Variants in CBR4 observed in about 807,000 individuals in gnomAD.
CBR4 encodes the protein 3-oxoacyl-[acyl-carrier-protein] reductase.
Under a neutral mutation model 21.0 loss-of-function variants are expected in CBR4, and 22 were observed. The observed-to-expected ratio is 1.05, with a 90% CI of 0.75 to 1.50. The LOEUF (loss-of-function observed/expected upper bound fraction) is 1.50, where lower values mean the gene tolerates loss of function less well. Ranked by LOEUF, CBR4 falls within the 40% of genes most tolerant of loss-of-function variation. The pLI, the probability that CBR4 is intolerant of heterozygous loss-of-function variation, is 0.00. For missense variants in CBR4, 302 were observed against 286.3 expected (o/e 1.05, Z -0.40); for synonymous variants, 100 against 104.4 (o/e 0.96, Z 0.26).
intron 2 of CBR4, among the ~76,000 whole-genome samples, chr4:168,977,271 C>T (rs918140548): frequency 2.4e-4 from 36 of 152,122 alleles, no homozygotes; most frequent in African/African-American, 8.2e-4. Context: ...GTTAGCAATC[C>T]ATCTTATATG....
At chr4:168,961,744 G>A (rs939628446) in intron 2 of CBR4, among the ~76,000 whole-genome samples, 11 of 152,132 alleles carry the variant, frequency 7.2e-5, no homozygotes, top group Non-Finnish European at 1.6e-4. Flanking sequence ...ACAAAAATTA[G>A]CTGGCCATGG....
Position 168,988,084 on chromosome 4 carries a change from TGAG to T in CBR4, c.*2063_*2065del, listed in dbSNP as rs1764753958. 1.0e-6 allele frequency: 1 copy of T among 985,188 alleles called. No individual in the cohort carries two copies. Among genetic ancestry groups the T allele is most frequent in the Non-Finnish European group, 1.2e-6 (1 of 829,676 alleles). The allele number at this position is 985,188 out of a possible 1,614,324, so 61.0% of individuals were successfully genotyped here. ...AGCAGATTTTAAAAAATGAATTCAC[TGAG>T]GTTCTTAAACCTCTGAACATAAGGC... On this transcript the variant is annotated 3_prime_UTR_variant, in exon 5 of 5. Transcript: ENST00000306193.
chr4:168,957,460 T>C (rs1353640471), intron 2 of CBR4, among the ~76,000 whole-genome samples: 2 of 152,178 alleles, frequency 1.3e-5, no homozygotes, highest in Non-Finnish European at 2.9e-5. Context: ...CCATCACTGC[T>C]ATCCTCCCTT....
At chr4:168,975,731 G>A (rs1343129652) in intron 2 of CBR4, among the ~76,000 whole-genome samples, 1 of 152,194 alleles carries the variant, frequency 6.6e-6, no homozygotes, top group African/African-American at 2.4e-5. Context: ...AGGCAGGTCT[G>A]AGCTCAGATT....
intron 2 of CBR4, among the ~76,000 whole-genome samples, chr4:168,977,088 T>C (rs539754355): frequency 1.3e-5 from 2 of 152,364 alleles, no homozygotes; most frequent in South Asian, 2.1e-4. Context: ...CTTTCAGTTT[T>C]CCTGATATGT....
intron 2 of CBR4, among the ~76,000 whole-genome samples, chr4:168,939,950 T>C (rs1439318864): frequency 6.6e-6 from 1 of 152,116 alleles, no homozygotes; most frequent in Non-Finnish European, 1.5e-5. Context: ...TTAAATTTCA[T>C]ATGGAACCAA....
At chr4:169,000,586 G>C (rs7667478) in intron 4 of CBR4, among the ~76,000 whole-genome samples, 150,898 of 152,288 alleles carry the variant, frequency 0.99, 74,776 homozygotes, top group East Asian at 1. Context: ...TTCTTACAAA[G>C]GACCAGCAAA....
intron 4 of CBR4, among the ~76,000 whole-genome samples, chr4:168,996,082 AG>A (rs1280612885): frequency 5.3e-5 from 8 of 152,164 alleles, no homozygotes; most frequent in Non-Finnish European, 1.0e-4. Flanking sequence ...ATTTAGGGAA[AG>A]CTTGCCACAA....
chr4:169,008,527 C>T (rs968020661), intron 1 of CBR4, among the ~76,000 whole-genome samples: 8 of 152,200 alleles, frequency 5.3e-5, no homozygotes, highest in African/African-American at 1.9e-4. Flanking sequence ...TACACCAACA[C>T]TACCCCATCA....
At chr4:168,986,171 G>T (rs1042699579), downstream of CBR4, among the ~76,000 whole-genome samples, 1 of 152,128 alleles carries the variant, frequency 6.6e-6, no homozygotes. Context: ...CATTGCATTA[G>T]ATATTGTAAG....
chr4:169,007,503 T>C, intron 2 of CBR4, 133 bp downstream of exon 2: 2 of 470,988 alleles, frequency 4.2e-6, no homozygotes, highest in South Asian at 4.7e-5. Context: ...ATTTATGGAT[T>C]GACAAGTTTT....
At chr4:168,956,597 CAAAAAAAAAAAAAA>C (rs59962690) in intron 2 of CBR4, among the ~76,000 whole-genome samples, 15 of 29,678 alleles carry the variant, frequency 5.1e-4, no homozygotes, top group East Asian at 1.8e-3. Context: ...GACCCTGTCT[CAAAAAAAAAAAAAA>C]AAAAAAAAAA....
At chr4:168,931,907 C>A (rs536681872) in intron 2 of CBR4, among the ~76,000 whole-genome samples, 1 of 151,530 alleles carries the variant, frequency 6.6e-6, no homozygotes, top group African/African-American at 2.4e-5. Flanking sequence ...ACACACCCCC[C>A]CTAACTGACA....
intron 2 of CBR4, among the ~76,000 whole-genome samples, chr4:168,933,598 C>T (rs1385984095): frequency 1.3e-5 from 2 of 152,114 alleles, no homozygotes; most frequent in African/African-American, 2.4e-5. Flanking sequence ...CAGCACTGGA[C>T]AGATCATCTA....
At chr4:168,995,667 G>A (rs1765160421) in intron 4 of CBR4, among the ~76,000 whole-genome samples, 1 of 151,902 alleles carries the variant, frequency 6.6e-6, no homozygotes, top group Non-Finnish European at 1.5e-5. Flanking sequence ...TTTTTGCTAG[G>A]TATACATTTA....
chr4:168,948,424 T>C (rs1415896035), intron 2 of CBR4, among the ~76,000 whole-genome samples: 1 of 152,232 alleles, frequency 6.6e-6, no homozygotes, highest in East Asian at 1.9e-4. Flanking sequence ...GGGTTCTTGG[T>C]CATGAAATCC....
intron 2 of CBR4, among the ~76,000 whole-genome samples, chr4:168,922,976 A>G (rs1366631513): frequency 6.6e-6 from 1 of 152,182 alleles, no homozygotes; most frequent in Non-Finnish European, 1.5e-5. Flanking sequence ...TCTGCGACTT[A>G]GTTTCTCCAT....
At chr4:168,964,819 G>GT (rs776200400) in intron 2 of CBR4, among the ~76,000 whole-genome samples, 15 of 152,178 alleles carry the variant, frequency 9.9e-5, no homozygotes, top group Admixed American at 6.5e-4. Context: ...GCAAGTATGT[G>GT]TAGATCACTG....
chr4:168,979,701 C>T (rs2126779594), intron 2 of CBR4, among the ~76,000 whole-genome samples: 1 of 152,240 alleles, frequency 6.6e-6, no homozygotes, highest in South Asian at 2.1e-4. Flanking sequence ...GCCTACTCTT[C>T]ACCATGTAGG....
Sources: allele counts gnomAD v4.1 joint callset (sites outside exome capture counted in the v4.1 genomes callset), GRCh38; gene constraint gnomAD v4.1.1; transcripts MANE v1.5; gene names NCBI Gene and HGNC (gene_info 2026-07-23, HGNC 2026-07-21).